Variants in MAN2A1 observed in about 807,000 individuals in gnomAD.
The protein encoded by MAN2A1 is mannosidase alpha class 2A member 1.
In MAN2A1, 76 loss-of-function variants were observed where a neutral mutation model predicts 142.6. That is an observed-to-expected ratio of 0.53 (90% CI 0.44 to 0.65). The LOEUF is 0.65. Ranked by LOEUF, MAN2A1 falls within the 30% of genes least tolerant of loss-of-function variation. The pLI, the probability that MAN2A1 is intolerant of heterozygous loss-of-function variation, is 0.00. For synonymous variants in MAN2A1, 559 were observed against 473.2 expected, an observed-to-expected ratio of 1.18 and a Z score of -2.35; for missense variants, 1,311 against 1,365.1, an observed-to-expected ratio of 0.96 and a Z score of 0.62.
chr5:109,702,345 G>C (rs978143092), intron 1 of MAN2A1, among the ~76,000 whole-genome samples: 3 of 151,708 alleles, frequency 2.0e-5, no homozygotes, highest in Non-Finnish European at 2.9e-5. Flanking sequence ...GTGTGTGTGT[G>C]TGTGTGTCTG....
chr5:109,845,067 A>G (rs764672588), intron 17 of MAN2A1, among the ~76,000 whole-genome samples: 4 of 152,166 alleles, frequency 2.6e-5, no homozygotes, highest in Non-Finnish European at 5.9e-5. Flanking sequence ...CACTTAATAC[A>G]TGTTAACTAT....
chr5:109,857,120 G>A (rs1257244863), intron 20 of MAN2A1, among the ~76,000 whole-genome samples: 1 of 152,180 alleles, frequency 6.6e-6, no homozygotes, highest in Non-Finnish European at 1.5e-5. Flanking sequence ...ATTTCTGGGG[G>A]TAGAGTGCTC....
At chr5:109,767,950 A>C (rs1399240306) in intron 6 of MAN2A1, among the ~76,000 whole-genome samples, 2 of 152,210 alleles carry the variant, frequency 1.3e-5, no homozygotes, top group Non-Finnish European at 2.9e-5. Context: ...GATAAATATA[A>C]GGAGTTAGTA....
intron 19 of MAN2A1, among the ~76,000 whole-genome samples, chr5:109,851,047 T>C (rs1755468981): frequency 6.6e-6 from 1 of 152,116 alleles, no homozygotes; most frequent in Non-Finnish European, 1.5e-5. Flanking sequence ...GGAAGTGAAG[T>C]AGGGGGATAC....
At chr5:109,806,879 ATAT>A (rs1415674006) in intron 12 of MAN2A1, among the ~76,000 whole-genome samples, 1 of 152,188 alleles carries the variant, frequency 6.6e-6, no homozygotes, top group Non-Finnish European at 1.5e-5. Flanking sequence ...TAGGCTCATA[ATAT>A]TTTGTCCATG....
chr5:109,757,404 A>T, intron 5 of MAN2A1, among the ~76,000 whole-genome samples: 1 of 152,244 alleles, frequency 6.6e-6, no homozygotes, highest in East Asian at 1.9e-4. Flanking sequence ...TAATCTATAC[A>T]TTTATTACCC....
At chr5:109,699,734 T>G (rs1193387625) in intron 1 of MAN2A1, 1 of 158,742 alleles carries the variant, frequency 6.3e-6, no homozygotes, top group African/African-American at 2.4e-5. Flanking sequence ...CATAGAGTGG[T>G]GAGGGAGGAA....
chr5:109,762,012 A>T lies in MAN2A1; in HGVS notation c.836-5523A>T, dbSNP rs920641143. Among the ~76,000 whole-genome samples, 3 of 152,136 alleles carry T rather than the reference A, an allele frequency of 2.0e-5. No individual in the cohort carries two copies. The South Asian group carries it at 6.2e-4, about 32-fold the overall frequency. ...GTGGGAAAATAGGAAAAAATAATATACTAGCAGAAAGTAAGGAGAAATCCT... is the reference window on the plus strand; with the variant it reads ...GTGGGAAAATAGGAAAAAATAATATTCTAGCAGAAAGTAAGGAGAAATCCT... On this transcript the variant is annotated intron_variant, in intron 5 of 21. Transcript: ENST00000261483.
intron 16 of MAN2A1, chr5:109,840,380 C>T (rs147485146): frequency 0.019 from 7,394 of 383,388 alleles, 123 homozygotes; most frequent in Admixed American, 0.047. Context: ...TAGGTCATCT[C>T]CAGAGAAATT....
At chr5:109,834,539 C>G (rs1033948183) in intron 16 of MAN2A1, among the ~76,000 whole-genome samples, 3 of 152,094 alleles carry the variant, frequency 2.0e-5, no homozygotes, top group Non-Finnish European at 4.4e-5. Context: ...CCAACATTTG[C>G]AATTCATATG....
chr5:109,771,483 G>T (rs1753144269), intron 7 of MAN2A1, among the ~76,000 whole-genome samples: 1 of 152,066 alleles, frequency 6.6e-6, no homozygotes, highest in Non-Finnish European at 1.5e-5. Context: ...TTTTAGCATG[G>T]CAGCCTTCTT....
chr5:109,694,958 A>AT (rs1330697499), intron 1 of MAN2A1, among the ~76,000 whole-genome samples: 1 of 152,096 alleles, frequency 6.6e-6, no homozygotes, highest in Non-Finnish European at 1.5e-5. Context: ...AGATTGTCTT[A>AT]TTTTCTGGGA....
chr5:109,710,036 G>T (rs926224123), intron 1 of MAN2A1, among the ~76,000 whole-genome samples: 2 of 152,238 alleles, frequency 1.3e-5, no homozygotes, highest in South Asian at 2.1e-4. Flanking sequence ...TTCATTTCAA[G>T]AATTTCACCT....
rs75198122 is a variant in MAN2A1, at chr5:109,815,917, A to C, written c.1944-1356A>C. 3.6e-3 allele frequency among the ~76,000 whole-genome samples: 555 copies of C among 152,338 alleles called. 3 individuals are homozygous for C. Among genetic ancestry groups the C allele is most frequent in the African/African-American group, 0.013 (537 of 41,582 alleles). ...AATATTTCAGATCATGAAAATATGC[A>C]CTAGTGAATCAGTGAGTTATATTAT... is the stretch of plus-strand genomic sequence containing the variant. On this transcript the variant is annotated intron_variant, in intron 12 of 21. Transcript: ENST00000261483.
At chr5:109,833,547 G>A (rs1458404615) in intron 16 of MAN2A1, among the ~76,000 whole-genome samples, 1 of 152,132 alleles carries the variant, frequency 6.6e-6, no homozygotes. Context: ...GCGTGCGCCT[G>A]CAATCCCAGG....
intron 12 of MAN2A1, chr5:109,804,150 G>A (rs1316843240): frequency 1.0e-5 from 10 of 986,934 alleles, no homozygotes; most frequent in South Asian, 4.7e-5. Flanking sequence ...CCTTCTAAAT[G>A]CAGATTAATA....
In MAN2A1 at chr5:109,774,946, A is replaced by C; in HGVS notation, c.1355A>C (p.Gln452Pro). 6.2e-7 allele frequency: 1 copy of C among 1,604,768 alleles called. No homozygotes were observed. Among genetic ancestry groups the C allele is most frequent in the Non-Finnish European group, 8.5e-7 (1 of 1,175,012 alleles). Residue 452 changes from glutamine to proline, a missense_variant, in exon 8 of 22, where the codon CAG becomes CCG. Physicochemically the swap from Gln to Pro is moderately conservative, Grantham distance 76. This residue lies in a region of MAN2A1 where 890 missense variants were observed against 920.5 expected (regional missense o/e 0.97). Coordinates refer to ENST00000261483, the MANE Select transcript of MAN2A1 (RefSeq NM_002372.4). ...CAGCTTTTTGATTATATGAATTCTC[A>C]GTCCAAGTTTAAAGTTAAGGTAAGG... ...YQQLFDYMNS[Q>P]SKFKVKIQFG...
At position 109,867,370 on chromosome 5, in the gene MAN2A1, G is replaced by A; in HGVS notation, c.*372G>A. ...AGATTCTTAAAAGTATCTGTGTGTT[G>A]ATCATCAGTTTTACAAAAACACCTA... is the stretch of plus-strand genomic sequence containing the variant. On this transcript the variant is annotated 3_prime_UTR_variant, in exon 22 of 22. Transcript: ENST00000261483. The A allele has an allele frequency of 6.4e-6, 1 of 155,984 alleles. No homozygotes were observed. The highest frequency in any genetic ancestry group is 1.4e-5 in the Non-Finnish European group (1 of 70,512). 9.7% of individuals were successfully genotyped at this position (155,984 alleles called of 1,614,324 possible). A position where few individuals can be genotyped will look rare whatever the true frequency, so the allele number is the denominator to read the frequency against.
At chr5:109,793,612 C>T (rs965714211) in intron 12 of MAN2A1, among the ~76,000 whole-genome samples, 2 of 152,022 alleles carry the variant, frequency 1.3e-5, no homozygotes, top group Non-Finnish European at 2.9e-5. Flanking sequence ...AAGACCGTTA[C>T]AAATAAAGAT....
Sources: gnomAD v4.1 joint callset for allele counts (sites outside exome capture counted in the v4.1 genomes callset) on GRCh38, gnomAD v4.1.1 for gene constraint, gnomAD v4.1.1 regional missense constraint, MANE v1.5 for transcripts, NCBI Gene and HGNC (gene_info 2026-07-23, HGNC 2026-07-21) for gene names.